VTI1A: variants seen among roughly 807,000 people sequenced by gnomAD.
VTI1A encodes the protein vesicle transport through interaction with t-SNAREs 1A.
A neutral mutation model predicts 34.9 loss-of-function variants in VTI1A; 22 were observed. The observed-to-expected ratio is 0.63, with a 90% CI of 0.45 to 0.90. The LOEUF (loss-of-function observed/expected upper bound fraction) is 0.90, where lower values mean the gene tolerates loss of function less well. VTI1A is among the 40% of genes least tolerant of loss of function. VTI1A has a pLI of 0.00. For synonymous variants in VTI1A, 87 were observed against 97.3 expected, an observed-to-expected ratio of 0.89 and a Z score of 0.62; for missense variants, 268 against 275.6, an observed-to-expected ratio of 0.97 and a Z score of 0.20.
chr10:112,490,054 T>C lies in VTI1A; in HGVS notation c.264+25397T>C, dbSNP rs575910534. 2.6e-5 allele frequency among the ~76,000 whole-genome samples: 4 copies of C among 152,318 alleles called. No homozygotes were observed. In the South Asian group the frequency reaches 8.3e-4, roughly 32 times the overall value. ...CTCTATTAAACTTACCTGATATATT[T>C]TTACCCAGTTGAAATGACTTGTTTT... On this transcript the variant is annotated intron_variant, in intron 3 of 7. Transcript: ENST00000393077.
intron 7 of VTI1A, among the ~76,000 whole-genome samples, chr10:112,755,796 G>A (rs1851264253): frequency 6.6e-6 from 1 of 152,186 alleles, no homozygotes; most frequent in African/African-American, 2.4e-5. Context: ...AGCCAAACAG[G>A]TAATTTTCCC....
chr10:112,524,031 GT>G (rs965177646), intron 3 of VTI1A, among the ~76,000 whole-genome samples: 55 of 151,106 alleles, frequency 3.6e-4, no homozygotes, highest in Middle Eastern at 3.4e-3. Context: ...TGTAGCATGG[GT>G]TTTTTTTTAA....
At chr10:112,613,895 C>G (rs1343201467) in intron 5 of VTI1A, among the ~76,000 whole-genome samples, 1 of 152,192 alleles carries the variant, frequency 6.6e-6, no homozygotes, top group African/African-American at 2.4e-5. Flanking sequence ...CTCAATTAAG[C>G]TCATATTGCT....
In VTI1A at chr10:112,447,215, G is replaced by A. The variant is rs895099132; in HGVS notation, c.-159G>A. On this transcript the variant is annotated 5_prime_UTR_variant, in exon 1 of 8. Coordinates refer to ENST00000393077, the MANE Select transcript of VTI1A (RefSeq NM_145206.4). ...ATTTCCGGAGAACCGAGATTGCGAC[G>A]AACAACCAGGAAGCGGCTGGGTTGA... 1 of 660,484 alleles carries A rather than the reference G, an allele frequency of 1.5e-6. No individual in the cohort carries two copies. The allele number at this position is 660,484 out of a possible 1,614,324, so 40.9% of individuals were successfully genotyped here. A position where few individuals can be genotyped will look rare whatever the true frequency, so the allele number is the denominator to read the frequency against.
intron 5 of VTI1A, among the ~76,000 whole-genome samples, chr10:112,665,202 A>G (rs955137911): frequency 3.9e-5 from 6 of 152,182 alleles, no homozygotes; most frequent in Non-Finnish European, 8.8e-5. Flanking sequence ...TATTTAATGA[A>G]ATAATCGCTA....
At chr10:112,530,931 C>A (rs756975400) in intron 4 of VTI1A, among the ~76,000 whole-genome samples, 6 of 152,058 alleles carry the variant, frequency 3.9e-5, no homozygotes, top group African/African-American at 1.4e-4. Context: ...ATTGTGTGTT[C>A]GACCCACGAT....
chr10:112,511,245 G>GT (rs765282385), intron 3 of VTI1A, among the ~76,000 whole-genome samples: 2,615 of 142,354 alleles, frequency 0.018, 31 homozygotes, highest in African/African-American at 0.036. Context: ...TACATGTGAG[G>GT]TTTTTTTTTT....
chr10:112,830,849 A>ATATATTTTTTTTTTTTTTTTT, the VTI1A span, among the ~76,000 whole-genome samples: 2 of 33,498 alleles, frequency 6.0e-5, no homozygotes, highest in South Asian at 1.6e-3. Flanking sequence ...ATATATATAT[A>ATATATTTTTTTTTTTTTTTTT]TTTTTTTTTT....
At chr10:112,618,281 G>A (rs1845578254) in intron 5 of VTI1A, among the ~76,000 whole-genome samples, 1 of 151,416 alleles carries the variant, frequency 6.6e-6, no homozygotes, top group African/African-American at 2.4e-5. Flanking sequence ...TTAATAGAAT[G>A]GTGAAAATGA....
chr10:112,695,374 A>T (rs1032574246), intron 7 of VTI1A, among the ~76,000 whole-genome samples: 7 of 151,002 alleles, frequency 4.6e-5, no homozygotes, highest in Admixed American at 1.3e-4. Context: ...TTCAAATGAC[A>T]TTTTTTTTTA....
At chr10:112,693,543 G>C (rs376372421) in intron 7 of VTI1A, among the ~76,000 whole-genome samples, 3 of 152,136 alleles carry the variant, frequency 2.0e-5, no homozygotes, top group East Asian at 1.9e-4. Context: ...TTGAAACTCT[G>C]TCTAAAAAAT....
chr10:112,840,456 A>G, the VTI1A span, among the ~76,000 whole-genome samples: 1 of 152,200 alleles, frequency 6.6e-6, no homozygotes, highest in Non-Finnish European at 1.5e-5. Flanking sequence ...TGGCTAGGCT[A>G]ACTCCTTTGC....
At chr10:112,727,150 C>G (rs539730736) in intron 7 of VTI1A, among the ~76,000 whole-genome samples, 1 of 152,286 alleles carries the variant, frequency 6.6e-6, no homozygotes, top group South Asian at 2.1e-4. Context: ...AAGGCCCCCC[C>G]ATCAGTTGTC....
intron 3 of VTI1A, among the ~76,000 whole-genome samples, chr10:112,474,343 A>G (rs868638610): frequency 1.2e-4 from 18 of 151,846 alleles, no homozygotes; most frequent in Admixed American, 3.3e-4. Context: ...GTGAGCCACC[A>G]CGCCCGGCAA....
chr10:112,646,786 C>G (rs1444573166), intron 5 of VTI1A, among the ~76,000 whole-genome samples: 1 of 152,150 alleles, frequency 6.6e-6, no homozygotes, highest in Non-Finnish European at 1.5e-5. Flanking sequence ...GCTGGAATTA[C>G]AGGTGTGAGC....
chr10:112,608,918 C>A (rs1589968793), intron 5 of VTI1A, among the ~76,000 whole-genome samples: 1 of 152,064 alleles, frequency 6.6e-6, no homozygotes, highest in Non-Finnish European at 1.5e-5. Context: ...TGTGTCTGTT[C>A]CTGTAGCTAT....
At chr10:112,477,972 A>C (rs937310362) in intron 3 of VTI1A, among the ~76,000 whole-genome samples, 6 of 152,160 alleles carry the variant, frequency 3.9e-5, no homozygotes, top group African/African-American at 1.4e-4. Context: ...TACTATCCTC[A>C]TAGCTAGCAT....
intron 7 of VTI1A, among the ~76,000 whole-genome samples, chr10:112,796,881 G>A (rs1215396595): frequency 6.6e-6 from 1 of 152,114 alleles, no homozygotes. Flanking sequence ...GAACCAGTTG[G>A]GCAAAATTGA....
At chr10:112,828,596 G>A in the VTI1A span, among the ~76,000 whole-genome samples, 1 of 151,766 alleles carries the variant, frequency 6.6e-6, no homozygotes, top group African/African-American at 2.4e-5. Flanking sequence ...TAGTAGAGAC[G>A]GGGTTTCACC....
Sources: allele counts gnomAD v4.1 joint callset (sites outside exome capture counted in the v4.1 genomes callset), GRCh38; gene constraint gnomAD v4.1.1; transcripts MANE v1.5; gene names NCBI Gene and HGNC (gene_info 2026-07-23, HGNC 2026-07-21).